Variants in RABL6 observed in about 807,000 individuals in gnomAD.
The protein encoded by RABL6 is RAB, member RAS oncogene family like 6, also known as rab-like protein 6.
In RABL6, 28 loss-of-function variants were observed where a neutral mutation model predicts 72.9. The observed-to-expected ratio is 0.38, with a 90% CI of 0.28 to 0.53. The LOEUF (loss-of-function observed/expected upper bound fraction) is 0.53, where lower values mean the gene tolerates loss of function less well. Ranked by LOEUF, RABL6 falls within the 20% of genes least tolerant of loss-of-function variation. The pLI is 0.80. For synonymous variants in RABL6, 477 were observed against 421.2 expected, an observed-to-expected ratio of 1.13 and a Z score of -1.62; for missense variants, 1,029 against 1,008.4, an observed-to-expected ratio of 1.02 and a Z score of -0.28.
intron 7 of RABL6, chr9:136,833,275 T>C (rs1848517547): frequency 3.5e-6 from 1 of 288,476 alleles, no homozygotes; most frequent in Non-Finnish European, 6.5e-6. Context: ...CAGCTGGGTC[T>C]GGGGGACCTG....
At position 136,840,720 on chromosome 9, in the gene RABL6, C is replaced by T. The variant is rs1476894227; in HGVS notation, c.*198C>T. On this transcript the variant is annotated 3_prime_UTR_variant, in exon 15 of 15. Coordinates refer to ENST00000311502, the MANE Select transcript of RABL6 (RefSeq NM_024718.5). ...CCTTCAGGCCCAGTGTGAGCCTGCT[C>T]TGCAAGAAGGGAGGGGACAGCTGGC... The T allele has an allele frequency of 1.4e-5, 21 of 1,548,654 alleles. No homozygotes were observed. Among genetic ancestry groups the T allele is most frequent in the Non-Finnish European group, 1.7e-5 (20 of 1,146,830 alleles).
At chr9:136,814,202 CT>C in intron 1 of RABL6, 3 of 260,616 alleles carry the variant, frequency 1.2e-5, no homozygotes, top group Non-Finnish European at 1.6e-5. Flanking sequence ...GTTTTTCTTT[CT>C]TTTTCGAGAC....
chr9:136,816,253 C>T (rs1442538191), intron 1 of RABL6, among the ~76,000 whole-genome samples: 2 of 152,086 alleles, frequency 1.3e-5, no homozygotes, highest in South Asian at 2.1e-4. Flanking sequence ...TACAGGTGCA[C>T]GCCACCATGC....
intron 1 of RABL6, among the ~76,000 whole-genome samples, chr9:136,822,262 C>G (rs1463942527): frequency 2.6e-5 from 4 of 152,100 alleles, no homozygotes; most frequent in African/African-American, 9.7e-5. Context: ...GGCGGGAGGC[C>G]CGAGACCTGG....
intron 1 of RABL6, among the ~76,000 whole-genome samples, chr9:136,820,781 G>C (rs1310117923): frequency 6.6e-6 from 1 of 152,160 alleles, no homozygotes; most frequent in Non-Finnish European, 1.5e-5. Context: ...AATAAACAGA[G>C]GCTGAGTGTG....
chr9:136,808,218 C>T lies in RABL6; in HGVS notation c.22C>T (p.Leu8=), dbSNP rs753903885. Residue 8 remains leucine (L), a synonymous_variant, in exon 1 of 15, where the codon CTG becomes TTG. Coordinates refer to ENST00000311502, the MANE Select transcript of RABL6 (RefSeq NM_024718.5). The part of the protein sequence containing the change: MFSALKK[L]VGSDQAPGRD... ...GAAGATGTTTTCCGCCCTGAAGAAG[C>T]TGGTGGGGTCGGACCAGGCCCCGGG... is the stretch of plus-strand genomic sequence containing the variant. The T allele has an allele frequency of 5.8e-6, 9 of 1,552,694 alleles. No homozygotes were observed. Among genetic ancestry groups the T allele is most frequent in the East Asian group, 2.6e-5 (1 of 38,676 alleles).
At chr9:136,808,747 C>T (rs1345278253) in intron 1 of RABL6, 1 of 152,872 alleles carries the variant, frequency 6.5e-6, no homozygotes, top group Non-Finnish European at 1.5e-5. Flanking sequence ...TGCGGGGAAC[C>T]CAGCCGGCCT....
Position 136,840,476 on chromosome 9 carries a change from CCCCGGGCGGCCGCCA to C in RABL6, c.2148_2162del (p.Arg719_Gly723del). The C allele has an allele frequency of 6.5e-7, 1 of 1,527,618 alleles. No individual in the cohort carries two copies. Among genetic ancestry groups the C allele is most frequent in the South Asian group, 1.2e-5 (1 of 81,492 alleles). The allele number at this position is 1,527,618 out of a possible 1,614,324, so 94.6% of individuals were successfully genotyped here. ...CTGGAGGCTTTCCTGGGGGGCGGGG[CCCCGGGCGGCCGCCA>C]CCCTGGGGGTGGCGACTACGAGGAG... On this transcript the variant is annotated inframe_deletion, in exon 15 of 15. Coordinates refer to ENST00000311502, the MANE Select transcript of RABL6 (RefSeq NM_024718.5).
intron 2 of RABL6, among the ~76,000 whole-genome samples, 157 bp from the exon 3 acceptor site, chr9:136,825,622 G>A (rs1196585429): frequency 6.6e-6 from 1 of 152,210 alleles, no homozygotes; most frequent in East Asian, 1.9e-4. Flanking sequence ...CCGCCATGTG[G>A]TCGTCTGGGG....
intron 8 of RABL6, chr9:136,836,823 G>T: frequency 3.9e-6 from 1 of 254,592 alleles, no homozygotes; most frequent in South Asian, 4.0e-5. Flanking sequence ...TGACTTTCAG[G>T]GGAGCTGGAC....
At chr9:136,819,598 G>A (rs1280452019) in intron 1 of RABL6, among the ~76,000 whole-genome samples, 1 of 152,172 alleles carries the variant, frequency 6.6e-6, no homozygotes, top group East Asian at 1.9e-4. Flanking sequence ...AAGACACTAG[G>A]TAAACATTAA....
Position 136,831,818 on chromosome 9 carries a change from A to G in RABL6, c.556A>G (p.Ile186Val), listed in dbSNP as rs530129455. 6.2e-7 allele frequency: 1 copy of G among 1,613,196 alleles called. No homozygotes were observed. The highest frequency in any genetic ancestry group is 2.2e-5 in the East Asian group (1 of 44,888). Reference protein sequence around the residue: ...NYRDMGEHRVILPDDVRDFID... With the variant: ...NYRDMGEHRVVLPDDVRDFID... Reference sequence around the variant, plus strand: ...CCGGGACATGGGCGAGCACCGAGTCATCCTGCCGGACGACGTGCGTGACTT... The same window carrying G: ...CCGGGACATGGGCGAGCACCGAGTCGTCCTGCCGGACGACGTGCGTGACTT... Residue 186 changes from isoleucine to valine, a missense_variant, in exon 6 of 15, where the codon ATC (isoleucine) becomes GTC (valine). Around this residue, in one of 2 missense-constraint regions of RABL6, gnomAD observed 434 missense variants for 536.1 expected, o/e 0.81. Transcript: ENST00000311502.
Position 136,823,665 on chromosome 9 carries a change from TGTG to T in RABL6, c.265+11_265+13del, listed in dbSNP as rs1244150372. The T allele has an allele frequency of 6.2e-7, 1 of 1,602,764 alleles. No individual in the cohort carries two copies. The highest frequency in any genetic ancestry group is 1.3e-5 in the African/African-American group (1 of 74,662). On this transcript the variant is annotated splice_region_variant and intron_variant, in intron 2 of 14. Transcript: ENST00000311502. ...CATCCACTGGAGCTACAAGAGTAAGTGTGGTGGGTGCCCCAGTGGGTTCGGGCT... is the reference window on the plus strand; with the variant it reads ...CATCCACTGGAGCTACAAGAGTAAGTGTGGGTGCCCCAGTGGGTTCGGGCT...
chr9:136,825,529 G>T (rs1220746827), intron 2 of RABL6, among the ~76,000 whole-genome samples: 1 of 152,142 alleles, frequency 6.6e-6, no homozygotes, highest in African/African-American at 2.4e-5. Flanking sequence ...GGGAGGGGCC[G>T]TGCCCAGGAT....
At chr9:136,823,160 T>A (rs1848279083) in intron 1 of RABL6, among the ~76,000 whole-genome samples, 1 of 150,802 alleles carries the variant, frequency 6.6e-6, no homozygotes, top group African/African-American at 2.4e-5. Flanking sequence ...CCTGGGGTGC[T>A]GTGGAGAGCT....
chr9:136,822,127 G>A (rs2131174218), intron 1 of RABL6: 1 of 1,256,494 alleles, frequency 8.0e-7, no homozygotes, highest in South Asian at 1.3e-5. Context: ...ACAGCCCAGG[G>A]TCCCTCAGAG....
intron 1 of RABL6, among the ~76,000 whole-genome samples, 179 bp from the exon 2 acceptor site, chr9:136,823,346 G>T (rs1288787951): frequency 1.3e-5 from 2 of 152,180 alleles, no homozygotes; most frequent in Non-Finnish European, 2.9e-5. Context: ...TGATGGGAGA[G>T]GTTGCCATGG....
intron 7 of RABL6, among the ~76,000 whole-genome samples, chr9:136,834,671 G>T (rs1848551772): frequency 1.3e-5 from 2 of 152,238 alleles, no homozygotes; most frequent in Admixed American, 1.3e-4. Context: ...TAGGGACGGG[G>T]TTTTGCCATA....
rs1178519433 is a variant in RABL6 at position 136,808,065 on chromosome 9, CCCGGCCTCTGGCCGCGCCGGCT to C, written c.-123_-102del. On this transcript the variant is annotated 5_prime_UTR_variant, in exon 1 of 15. Coordinates refer to ENST00000311502, the MANE Select transcript of RABL6 (RefSeq NM_024718.5). ...CGGGGCTGCGCTCCGCCGCCGGGAC[CCCGGCCTCTGGCCGCGCCGGCT>C]CCGGCCTCCGGGGGGGCCGGGGCCG... 3 of 1,130,916 alleles carry C rather than the reference CCCGGCCTCTGGCCGCGCCGGCT, an allele frequency of 2.7e-6. No individual in the cohort carries two copies. The highest frequency in any genetic ancestry group is 5.0e-5 in the East Asian group (1 of 19,900). 70.1% of individuals were successfully genotyped at this position (1,130,916 alleles called of 1,614,324 possible).
Sources: allele counts gnomAD v4.1 joint callset (sites outside exome capture counted in the v4.1 genomes callset), GRCh38; gene constraint gnomAD v4.1.1; regional missense constraint gnomAD v4.1.1; transcripts MANE v1.5; gene names NCBI Gene and HGNC (gene_info 2026-07-23, HGNC 2026-07-21).